Variants in LLGL2 observed in about 807,000 individuals in gnomAD.
The protein encoded by LLGL2 is LLGL scribble cell polarity complex component 2.
Under a neutral mutation model 123.2 loss-of-function variants are expected in LLGL2, and 81 were observed. The observed-to-expected ratio is 0.66, with a 90% CI of 0.55 to 0.79. The LOEUF (loss-of-function observed/expected upper bound fraction) is 0.79. LLGL2 is among the 30% of genes least tolerant of loss of function. The probability of loss-of-function intolerance (pLI) is 0.00; values close to 1 mark genes in which losing one functional copy is unlikely to be tolerated. For missense variants in LLGL2, 1,273 were observed against 1,414.6 expected (o/e 0.90, Z 1.61); for synonymous variants, 577 against 594.1 (o/e 0.97, Z 0.42).
chr17:75,570,818 C>T (rs2055671150), intron 16 of LLGL2, 132 bp from the exon 17 acceptor site: 18 of 1,235,920 alleles, frequency 1.5e-5, no homozygotes, highest in Non-Finnish European at 2.0e-5. Flanking sequence ...AAGGGTCCCT[C>T]TAGACGCAGG....
At chr17:75,574,574 C>T (rs551712210) in intron 24 of LLGL2, 36 bp from the exon 25 acceptor site, 5 of 1,608,092 alleles carry the variant, frequency 3.1e-6, no homozygotes, top group African/African-American at 2.7e-5. Context: ...AGTGGAGGTC[C>T]CTGAGGCCAT....
chr17:75,573,914 C>T, intron 21 of LLGL2, 38 bp from the exon 22 acceptor site: 1 of 1,549,898 alleles, frequency 6.5e-7, no homozygotes, highest in Non-Finnish European at 8.7e-7. Context: ...GGGCAGGGAG[C>T]CCGGGGGCCC....
chr17:75,568,374 T>C (rs950807226), intron 10 of LLGL2, 102 bp from the exon 11 acceptor site: 16 of 1,477,954 alleles, frequency 1.1e-5, no homozygotes, highest in Admixed American at 6.8e-5. Context: ...CAGGGCTTTC[T>C]GGATCTGCAG....
At chr17:75,565,755 G>T (rs1463730185) in intron 10 of LLGL2, among the ~76,000 whole-genome samples, 4 of 152,234 alleles carry the variant, frequency 2.6e-5, no homozygotes, top group Non-Finnish European at 5.9e-5. Context: ...GGAGGTGGGT[G>T]CCTGATGAGC....
chr17:75,528,303 G>A (rs2053646413), intron 1 of LLGL2, among the ~76,000 whole-genome samples: 1 of 152,020 alleles, frequency 6.6e-6, no homozygotes, highest in Non-Finnish European at 1.5e-5. Context: ...TTTTAGTAGA[G>A]ATGGGGTTTC....
intron 1 of LLGL2, among the ~76,000 whole-genome samples, chr17:75,527,184 A>AAAT (rs10674349): frequency 1.4e-5 from 2 of 147,548 alleles, no homozygotes; most frequent in Non-Finnish European, 3.0e-5. Context: ...AAAAAAAAAA[A>AAAT]GTGGCATTTG....
At chr17:75,526,357 C>G (rs2053571865) in intron 1 of LLGL2, among the ~76,000 whole-genome samples, 1 of 152,238 alleles carries the variant, frequency 6.6e-6, no homozygotes, top group Non-Finnish European at 1.5e-5. Context: ...CGGTCTCCGG[C>G]CTTTCTCCAG....
intron 20 of LLGL2, 51 bp downstream of exon 20, chr17:75,573,329 G>A (rs369562119): frequency 6.1e-5 from 95 of 1,564,824 alleles, no homozygotes; most frequent in African/African-American, 1.9e-4. Context: ...CTGCACGGAC[G>A]GGAAGGGTGG....
At chr17:75,571,186 T>C in intron 17 of LLGL2, 86 bp downstream of exon 17, 1 of 1,319,280 alleles carries the variant, frequency 7.6e-7, no homozygotes, top group Non-Finnish European at 1.1e-6. Flanking sequence ...GGCTGCTGCC[T>C]GCCTGGCTGG....
At position 75,573,412 on chromosome 17, in the gene LLGL2, C is replaced by A; in HGVS notation, c.2726-69C>A. On this transcript the variant is annotated intron_variant, in intron 20 of 25. Transcript: ENST00000392550. Reference sequence around the variant, plus strand: ...AACTGCGAGGGAGCACTAGCCCCTACTCCCCCAGGTGGGGAGGCAGCCTTG... The same window carrying A: ...AACTGCGAGGGAGCACTAGCCCCTAATCCCCCAGGTGGGGAGGCAGCCTTG... 5 of 1,574,440 alleles carry A rather than the reference C, an allele frequency of 3.2e-6. No homozygotes were observed. The South Asian group carries it at 5.7e-5, about 18-fold the overall frequency.
rs1386869002 is a variant in LLGL2 at position 75,525,700 on chromosome 17, C to T, written c.-156C>T. 6.6e-6 allele frequency: 1 copy of T among 150,632 alleles called. No homozygotes were observed. The highest frequency in any genetic ancestry group is 2.0e-4 in the East Asian group (1 of 5,128). The allele number at this position is 150,632 out of a possible 1,614,324, so 9.3% of individuals were successfully genotyped here. On this transcript the variant is annotated 5_prime_UTR_variant, in exon 1 of 26. Transcript: ENST00000392550. This position sits in a 1 kb window ranked among gnomAD's most constrained non-coding sequence, Gnocchi z 4.8. ...GCGGCTCCGCCCCAGGCTCGCCGCG[C>T]CGGAGGTGAGCAGGAAGGAGACGGC...
chr17:75,572,799 G>A (rs1026287604), intron 19 of LLGL2, among the ~76,000 whole-genome samples: 15 of 151,620 alleles, frequency 9.9e-5, no homozygotes, highest in South Asian at 2.1e-4. Context: ...CAGCCTGGGC[G>A]ACAGAGCAAG....
intron 2 of LLGL2, chr17:75,546,288 G>A (rs1021173400): frequency 1.3e-5 from 2 of 152,742 alleles, no homozygotes; most frequent in Non-Finnish European, 2.9e-5. Flanking sequence ...CGCAACAACA[G>A]TGCTCTCCAT....
At chr17:75,540,200 G>A (rs1169038273) in intron 1 of LLGL2, among the ~76,000 whole-genome samples, 1 of 152,152 alleles carries the variant, frequency 6.6e-6, no homozygotes, top group Non-Finnish European at 1.5e-5. Flanking sequence ...TGAGTAGGCA[G>A]GATCTGTTCA....
Position 75,559,601 on chromosome 17 carries a change from ATAGCAC to A in LLGL2, c.530+194_530+199del, listed in dbSNP as rs986958601. ...TATTGGCCTGTCATAGGTTAGCATCATAGCACTAAAAAGGGGGCTTTGAGGGTCCCT... is the reference window on the plus strand; with the variant it reads ...TATTGGCCTGTCATAGGTTAGCATCATAAAAAGGGGGCTTTGAGGGTCCCT... On this transcript the variant is annotated intron_variant, in intron 6 of 25. Transcript: ENST00000392550. This position sits in a 1 kb window ranked among gnomAD's most constrained non-coding sequence, Gnocchi z 4.6. Among the ~76,000 whole-genome samples, 4 of 152,212 alleles carry A rather than the reference ATAGCAC, an allele frequency of 2.6e-5. No individual in the cohort carries two copies. The highest frequency in any genetic ancestry group is 9.6e-5 in the African/African-American group (4 of 41,452).
Position 75,549,191 on chromosome 17 carries a change from T to TGGAC in LLGL2, c.75+5691_75+5694dup, listed in dbSNP as rs2054558723. On this transcript the variant is annotated intron_variant, in intron 2 of 25. Coordinates refer to ENST00000392550, the MANE Select transcript of LLGL2 (RefSeq NM_001031803.2). The surrounding 1 kb of genome is among the most constrained non-coding windows in gnomAD (Gnocchi z 4.0). Reference sequence around the variant, plus strand: ...TGGGCCGTCAAGCCTATTGGAGGGATGGACAGACAGACAAGTCAGCTGCAG... The same window carrying TGGAC: ...TGGGCCGTCAAGCCTATTGGAGGGATGGACGGACAGACAGACAAGTCAGCTGCAG... Among the ~76,000 whole-genome samples the TGGAC allele has an allele frequency of 6.6e-6, 1 of 151,812 alleles. No homozygotes were observed. The highest frequency in any genetic ancestry group is 2.1e-4 in the South Asian group (1 of 4,828).
chr17:75,534,134 T>A (rs1448655717), intron 1 of LLGL2, among the ~76,000 whole-genome samples: 1 of 152,266 alleles, frequency 6.6e-6, no homozygotes, highest in Non-Finnish European at 1.5e-5. Context: ...TTCCTTGGAC[T>A]TGGCTTTCTG....
rs34553577 is a variant in LLGL2, at chr17:75,564,429, G to T, written c.958G>T (p.Asp320Tyr). 2 of 1,613,530 alleles carry T rather than the reference G, an allele frequency of 1.2e-6. No individual in the cohort carries two copies. Among genetic ancestry groups the T allele is most frequent in the Admixed American group, 3.3e-5 (2 of 60,026 alleles). ...GDRHCISVIH[D>Y]GQQTAFDFTS... ...CCGCCACTGCATCTCAGTGATCCAC[G>T]ATGGCCAGCAGACGGCCTTCGACTT... The change falls in exon 10 of 26, where the codon GAT becomes TAT. Residue 320 changes from aspartate (D) to tyrosine (Y), a missense_variant. Coordinates refer to ENST00000392550, the MANE Select transcript of LLGL2 (RefSeq NM_001031803.2). The surrounding 1 kb of genome is among the most constrained non-coding windows in gnomAD (Gnocchi z 4.9).
chr17:75,571,135 T>G (rs1598634476), intron 17 of LLGL2, 35 bp downstream of exon 17: 3 of 1,497,904 alleles, frequency 2.0e-6, no homozygotes, highest in Non-Finnish European at 2.8e-6. Flanking sequence ...GGGCAGGGGG[T>G]AGTGGGCAGC....
Sources: allele counts gnomAD v4.1 joint callset (sites outside exome capture counted in the v4.1 genomes callset), GRCh38; gene constraint gnomAD v4.1.1; non-coding constraint Gnocchi (gnomAD v3.1); transcripts MANE v1.5; gene names NCBI Gene and HGNC (gene_info 2026-07-23, HGNC 2026-07-21).